The following ACAA2 variants were observed in gnomAD, a reference collection of about 807,000 sequenced individuals.
The protein encoded by ACAA2 is 3-ketoacyl-CoA thiolase, mitochondrial.
Under a neutral mutation model 44.8 loss-of-function variants are expected in ACAA2, and 35 were observed. The observed-to-expected ratio is 0.78, with a 90% CI of 0.60 to 1.04. The LOEUF (loss-of-function observed/expected upper bound fraction) is 1.04. ACAA2 is among the 50% of genes least tolerant of loss of function. The pLI is 0.00. For missense variants in ACAA2, 468 were observed against 482.6 expected (o/e 0.97, Z 0.28); for synonymous variants, 142 against 166.5 (o/e 0.85, Z 1.13).
At chr18:49,796,356 C>CTGTT (rs757955096) in intron 3 of ACAA2, among the ~76,000 whole-genome samples, 15 of 152,198 alleles carry the variant, frequency 9.9e-5, no homozygotes, top group Non-Finnish European at 1.9e-4. Context: ...ACACTTTCCA[C>CTGTT]TGTTTGCCTT....
In ACAA2 at chr18:49,796,123, T is replaced by C. The variant is rs527843560; in HGVS notation, c.313-242A>G. Among the ~76,000 whole-genome samples the C allele has an allele frequency of 2.0e-5, 3 of 152,292 alleles. No homozygotes were observed. In the East Asian group the frequency reaches 5.8e-4, roughly 29 times the overall value. Reference sequence around the variant, plus strand: ...GTTTGCCTGAGTAACAGGCCCTACCTACATGTGGCTAAGAATAGTAATTCT... The same window carrying C: ...GTTTGCCTGAGTAACAGGCCCTACCCACATGTGGCTAAGAATAGTAATTCT... On this transcript the variant is annotated intron_variant, in intron 3 of 9. Transcript: ENST00000285093.
At chr18:49,808,443 G>A (rs1258792455) in intron 1 of ACAA2, among the ~76,000 whole-genome samples, 7 of 152,156 alleles carry the variant, frequency 4.6e-5, no homozygotes, top group African/African-American at 7.2e-5. Context: ...AGGCAACCAC[G>A]ATGTCCTATC....
intron 7 of ACAA2, among the ~76,000 whole-genome samples, chr18:49,789,366 C>T (rs1048485009): frequency 6.6e-6 from 1 of 152,056 alleles, no homozygotes; most frequent in African/African-American, 2.4e-5. Context: ...TTGTTTAATC[C>T]CATCACTATA....
chr18:49,810,704 T>C lies in ACAA2; in HGVS notation c.16+2765A>G, dbSNP rs372827225. On this transcript the variant is annotated intron_variant, in intron 1 of 9. Coordinates refer to ENST00000285093, the MANE Select transcript of ACAA2 (RefSeq NM_006111.3). ...TTTGGGTTTTTTTTGTTTGTTTGTTTGGAGGCAGGGTTTCACTCTGTCACC... is the reference window on the plus strand; with the variant it reads ...TTTGGGTTTTTTTTGTTTGTTTGTTCGGAGGCAGGGTTTCACTCTGTCACC... 6.2e-4 allele frequency among the ~76,000 whole-genome samples: 94 copies of C among 152,022 alleles called. No homozygotes were observed. In the Middle Eastern group the frequency reaches 0.014, roughly 22 times the overall value.
intron 1 of ACAA2, among the ~76,000 whole-genome samples, chr18:49,804,133 A>C: frequency 6.6e-6 from 1 of 150,640 alleles, no homozygotes; most frequent in Non-Finnish European, 1.5e-5. Flanking sequence ...CTGGTCTTGA[A>C]CTCCTGACCT....
chr18:49,796,002 G>T, intron 3 of ACAA2, 121 bp from the exon 4 acceptor site: 1 of 602,758 alleles, frequency 1.7e-6, no homozygotes, highest in Non-Finnish European at 2.9e-6. Flanking sequence ...AGCTTACAGT[G>T]TCTCAAAAGG....
intron 2 of ACAA2, 79 bp from the exon 3 acceptor site, chr18:49,797,673 G>A: frequency 8.2e-7 from 1 of 1,226,262 alleles, no homozygotes; most frequent in Non-Finnish European, 1.1e-6. Flanking sequence ...ACATGGAAAT[G>A]TTGGCAATCT....
At chr18:49,799,165 G>T (rs955475247) in intron 2 of ACAA2, among the ~76,000 whole-genome samples, 1 of 152,078 alleles carries the variant, frequency 6.6e-6, no homozygotes, top group Non-Finnish European at 1.5e-5. Flanking sequence ...GGAACAGATG[G>T]CAACTTTCTC....
At chr18:49,800,245 A>T (rs1173044925) in intron 2 of ACAA2, among the ~76,000 whole-genome samples, 1 of 138,688 alleles carries the variant, frequency 7.2e-6, no homozygotes, top group Non-Finnish European at 1.5e-5. Flanking sequence ...CCGCCCGGCC[A>T]GCCGCCCCGT....
At chr18:49,790,237 G>C (rs746793147) in intron 7 of ACAA2, among the ~76,000 whole-genome samples, 2 of 152,148 alleles carry the variant, frequency 1.3e-5, no homozygotes, top group Admixed American at 6.5e-5. Flanking sequence ...TGCAGTTCTT[G>C]CTGACATAAA....
intron 2 of ACAA2, among the ~76,000 whole-genome samples, chr18:49,797,971 C>T (rs1055239916): frequency 6.6e-6 from 1 of 151,998 alleles, no homozygotes; most frequent in African/African-American, 2.4e-5. Context: ...CCCATTAAGT[C>T]CTTAATATAA....
intron 3 of ACAA2, 130 bp downstream of exon 3, chr18:49,797,336 G>T: frequency 1.5e-6 from 1 of 685,004 alleles, no homozygotes; most frequent in Non-Finnish European, 2.3e-6. Context: ...GCAGTGGTAT[G>T]ATCATGGTTT....
intron 3 of ACAA2, 49 bp downstream of exon 3, chr18:49,797,417 A>G (rs746465010): frequency 6.5e-7 from 1 of 1,545,184 alleles, no homozygotes; most frequent in South Asian, 1.2e-5. Context: ...CATTTCTTCT[A>G]GTAACTATTA....
chr18:49,792,043 A>T, intron 6 of ACAA2, 109 bp downstream of exon 6: 1 of 836,150 alleles, frequency 1.2e-6, no homozygotes, highest in Non-Finnish European at 1.8e-6. Context: ...CTATTAGTTT[A>T]AGCTAAACAA....
chr18:49,787,208 G>T, intron 8 of ACAA2, 83 bp downstream of exon 8: 2 of 1,080,056 alleles, frequency 1.9e-6, no homozygotes, highest in South Asian at 2.3e-5. Flanking sequence ...AGAGCAATGA[G>T]ACCAAATTAA....
intron 2 of ACAA2, among the ~76,000 whole-genome samples, chr18:49,799,229 C>CTT (rs2023499702): frequency 2.0e-5 from 3 of 152,170 alleles, no homozygotes; most frequent in African/African-American, 2.4e-5. Flanking sequence ...TCCCCCTCCT[C>CTT]CTCCCCCTCT....
intron 2 of ACAA2, among the ~76,000 whole-genome samples, chr18:49,798,058 A>G (rs558124040): frequency 1.2e-4 from 18 of 152,340 alleles, no homozygotes; most frequent in African/African-American, 4.3e-4. Context: ...TTAACAGAGG[A>G]AGTATCGGAG....
In ACAA2 at chr18:49,797,486, A is replaced by G; in HGVS notation, c.292T>C (p.Ser98Pro). 1 of 1,610,704 alleles carries G rather than the reference A, an allele frequency of 6.2e-7. No individual in the cohort carries two copies. ...INRLCGSGFQ[S>P]IVNGCQEICV... The stretch of plus-strand genomic sequence containing the variant: ...CATACCTGACATCCATTCACAATGG[A>G]CTGAAAACCAGAACCACAGAGCCTA... Residue 98 changes from serine to proline, a missense_variant, in exon 3 of 10, where the codon TCC (serine) becomes CCC (proline). Coordinates refer to ENST00000285093, the MANE Select transcript of ACAA2 (RefSeq NM_006111.3).
At chr18:49,801,104 T>A (rs925022445) in intron 2 of ACAA2, among the ~76,000 whole-genome samples, 2 of 152,208 alleles carry the variant, frequency 1.3e-5, no homozygotes, top group African/African-American at 4.8e-5. Context: ...GTAAAACTCA[T>A]TTATTCCAAG....
Sources: allele counts gnomAD v4.1 joint callset (sites outside exome capture counted in the v4.1 genomes callset), GRCh38; gene constraint gnomAD v4.1.1; transcripts MANE v1.5; gene names NCBI Gene and HGNC (gene_info 2026-07-23, HGNC 2026-07-21).